DPP10: variants seen among roughly 807,000 people sequenced by gnomAD.
The protein encoded by DPP10 is inactive dipeptidyl peptidase 10.
In DPP10, 33 loss-of-function variants were observed where a neutral mutation model predicts 120.9. That is an observed-to-expected ratio of 0.27 (90% CI 0.21 to 0.37). The LOEUF (loss-of-function observed/expected upper bound fraction) is 0.37. Among genes scored for constraint, DPP10 ranks in the 10% least tolerant of loss-of-function variants. DPP10 has a pLI of 1.00. For missense variants in DPP10, 816 were observed against 942.8 expected, an observed-to-expected ratio of 0.87 and a Z score of 1.76; for synonymous variants, 337 against 326.1, an observed-to-expected ratio of 1.03 and a Z score of -0.36.
chr2:115,115,133 G>A lies in DPP10; in HGVS notation c.61-194106G>A, dbSNP rs571420003. On this transcript the variant is annotated intron_variant, in intron 1 of 25. Transcript: ENST00000410059. ...TGTGCACATCGGAGACCTACGGGGA[G>A]GTTTGCAGGAGGTGTTATAGAAAAC... Among the ~76,000 whole-genome samples, 206 of 151,986 alleles carry A rather than the reference G, an allele frequency of 1.4e-3. 2 individuals carry two copies. The highest frequency in any genetic ancestry group is 4.7e-3 in the African/African-American group (194 of 41,408).
chr2:115,532,584 A>G (rs2078537947), intron 5 of DPP10, among the ~76,000 whole-genome samples: 2 of 152,044 alleles, frequency 1.3e-5, no homozygotes, highest in African/African-American at 2.4e-5. Flanking sequence ...TTCTCCAGAC[A>G]TAGTGGTTAG....
chr2:114,942,654 C>T (rs1432162259), intron 1 of DPP10, among the ~76,000 whole-genome samples: 1 of 151,772 alleles, frequency 6.6e-6, no homozygotes, highest in Non-Finnish European at 1.5e-5. Context: ...AACATTCCTA[C>T]ATTAATTGAC....
At chr2:114,823,875 G>A (rs1686307453) in intron 1 of DPP10, among the ~76,000 whole-genome samples, 1 of 152,202 alleles carries the variant, frequency 6.6e-6, no homozygotes, top group South Asian at 2.1e-4. Context: ...AATCCAGCCA[G>A]ATGTCAGCCA....
chr2:114,933,008 C>G (rs1412540195), intron 1 of DPP10, among the ~76,000 whole-genome samples: 1 of 152,094 alleles, frequency 6.6e-6, no homozygotes, highest in Non-Finnish European at 1.5e-5. Context: ...TAGTTATGAA[C>G]TATCTTACTG....
intron 1 of DPP10, among the ~76,000 whole-genome samples, chr2:114,464,602 T>G (rs1263518324): frequency 1.3e-5 from 2 of 152,224 alleles, no homozygotes; most frequent in African/African-American, 4.8e-5. Context: ...TTTTAATTTT[T>G]TATTGTATTT....
At chr2:115,230,111 C>T (rs1018985449) in intron 1 of DPP10, among the ~76,000 whole-genome samples, 4 of 151,714 alleles carry the variant, frequency 2.6e-5, no homozygotes, top group Non-Finnish European at 5.9e-5. Context: ...CAATGTTTTA[C>T]AGTTTTTATT....
chr2:114,482,123 G>A (rs2104684560), intron 1 of DPP10, among the ~76,000 whole-genome samples: 1 of 152,168 alleles, frequency 6.6e-6, no homozygotes, highest in Admixed American at 6.6e-5. Context: ...TCAATATGTG[G>A]AGATTACAAT....
chr2:115,378,638 A>C (rs1241384437), intron 3 of DPP10, among the ~76,000 whole-genome samples: 1 of 151,094 alleles, frequency 6.6e-6, no homozygotes, highest in Non-Finnish European at 1.5e-5. Flanking sequence ...GTCAGTTTTC[A>C]AAGGGAATGC....
chr2:115,634,901 A>G (rs973798914), intron 5 of DPP10, among the ~76,000 whole-genome samples: 36 of 151,348 alleles, frequency 2.4e-4, no homozygotes, highest in African/African-American at 8.8e-4. Context: ...CTGTTGCTAA[A>G]ACCCTGGCTG....
chr2:115,402,886 T>G (rs2068194763), intron 3 of DPP10, among the ~76,000 whole-genome samples: 1 of 140,030 alleles, frequency 7.1e-6, no homozygotes, highest in Admixed American at 7.2e-5. Flanking sequence ...TGTGTGTGTG[T>G]GTGTGTATAT....
intron 5 of DPP10, among the ~76,000 whole-genome samples, chr2:115,632,755 C>T (rs2085985385): frequency 6.6e-6 from 1 of 151,910 alleles, no homozygotes; most frequent in African/African-American, 2.4e-5. Context: ...ACAACCCCAT[C>T]AAAAAGTGGG....
intron 1 of DPP10, among the ~76,000 whole-genome samples, chr2:115,095,867 AT>A (rs1284951351): frequency 6.6e-6 from 1 of 152,170 alleles, no homozygotes; most frequent in Non-Finnish European, 1.5e-5. Flanking sequence ...ATGTAGTAGT[AT>A]TAAGTGGTGT....
intron 3 of DPP10, among the ~76,000 whole-genome samples, chr2:115,404,647 A>G (rs1486961677): frequency 6.6e-6 from 1 of 152,126 alleles, no homozygotes; most frequent in Non-Finnish European, 1.5e-5. Context: ...AAAGACGTTT[A>G]TTTTGGCTCA....
intron 3 of DPP10, among the ~76,000 whole-genome samples, chr2:115,430,785 C>T (rs897596184): frequency 3.9e-5 from 6 of 152,150 alleles, no homozygotes; most frequent in East Asian, 3.9e-4. Flanking sequence ...TTGCCCGCGT[C>T]CATAAAATGG....
chr2:114,967,330 T>C (rs948385557), intron 1 of DPP10, among the ~76,000 whole-genome samples: 3 of 152,192 alleles, frequency 2.0e-5, no homozygotes, highest in African/African-American at 2.4e-5. Context: ...TTGGGAACTC[T>C]GCTCTGTGGA....
At chr2:114,446,878 T>G (rs1237579496) in intron 1 of DPP10, among the ~76,000 whole-genome samples, 1 of 152,200 alleles carries the variant, frequency 6.6e-6, no homozygotes, top group African/African-American at 2.4e-5. Context: ...GATGAAAATC[T>G]TATCACAAGT....
chr2:115,479,011 T>G (rs1265038060), intron 3 of DPP10, among the ~76,000 whole-genome samples: 1 of 152,156 alleles, frequency 6.6e-6, no homozygotes, highest in Admixed American at 6.6e-5. Context: ...CTCACAAAAT[T>G]AAATGCAGAA....
chr2:114,822,224 C>T (rs1374595102), intron 1 of DPP10, among the ~76,000 whole-genome samples: 4 of 152,204 alleles, frequency 2.6e-5, no homozygotes, highest in Non-Finnish European at 5.9e-5. Flanking sequence ...CAGTTCATGA[C>T]TTTGGTGCAC....
chr2:115,751,544 GA>G (rs2149741801), intron 10 of DPP10, among the ~76,000 whole-genome samples: 2 of 152,112 alleles, frequency 1.3e-5, no homozygotes, highest in South Asian at 4.1e-4. Context: ...AGAAATTGTT[GA>G]AAAAAATATT....
Sources: allele counts gnomAD v4.1 joint callset (sites outside exome capture counted in the v4.1 genomes callset), GRCh38; gene constraint gnomAD v4.1.1; transcripts MANE v1.5; gene names NCBI Gene and HGNC (gene_info 2026-07-23, HGNC 2026-07-21).